The following MTUS2 variants were observed in gnomAD, a reference collection of about 807,000 sequenced individuals.
MTUS2 encodes the protein microtubule-associated tumor suppressor candidate 2.
A neutral mutation model predicts 114.1 loss-of-function variants in MTUS2; 40 were observed. The ratio of observed to expected loss-of-function variants is 0.35; its 90% CI spans 0.27 to 0.46. The LOEUF (loss-of-function observed/expected upper bound fraction) is 0.46, where lower values mean the gene tolerates loss of function less well. MTUS2 is among the 20% of genes least tolerant of loss of function. MTUS2 has a pLI of 1.00. For synonymous variants in MTUS2, 688 were observed against 672.0 expected (o/e 1.02, Z -0.37); for missense variants, 1,679 against 1,705.4 (o/e 0.98, Z 0.27).
At chr13:29,381,614 TATTAA>T (rs1872213224) in intron 8 of MTUS2, among the ~76,000 whole-genome samples, 1 of 152,186 alleles carries the variant, frequency 6.6e-6, no homozygotes, top group Non-Finnish European at 1.5e-5. Context: ...AAAGTCACAC[TATTAA>T]ATTGGAACAG....
chr13:28,955,916 A>T (rs1042130124), intron 2 of MTUS2, among the ~76,000 whole-genome samples: 1 of 151,622 alleles, frequency 6.6e-6, no homozygotes, highest in Non-Finnish European at 1.5e-5. Flanking sequence ...TTCTTTTTTT[A>T]AAAATTTCCA....
intron 6 of MTUS2, chr13:29,306,864 T>C: frequency 2.0e-6 from 1 of 493,982 alleles, no homozygotes; most frequent in South Asian, 1.5e-5. Context: ...CTAAAGTAGA[T>C]ATTGTGGCCA....
chr13:29,128,088 G>A (rs1233533352), intron 5 of MTUS2, among the ~76,000 whole-genome samples: 4 of 152,214 alleles, frequency 2.6e-5, no homozygotes, highest in Admixed American at 6.5e-5. Context: ...AAAGAAGGCA[G>A]TAGAAGAAGA....
chr13:29,168,805 C>A (rs2987338), intron 5 of MTUS2, among the ~76,000 whole-genome samples: 148,007 of 152,098 alleles, frequency 0.97, 72,066 homozygotes, highest in Non-Finnish European at 1. Flanking sequence ...TTTAAACCTG[C>A]AATTTAAGCC....
intron 7 of MTUS2, among the ~76,000 whole-genome samples, chr13:29,355,822 C>T (rs1160760931): frequency 6.6e-6 from 1 of 152,116 alleles, no homozygotes; most frequent in South Asian, 2.1e-4. Context: ...ATTAACAGTT[C>T]GGTAGTGTAC....
At chr13:29,304,622 A>G (rs999616415) in intron 6 of MTUS2, among the ~76,000 whole-genome samples, 2 of 152,242 alleles carry the variant, frequency 1.3e-5, no homozygotes, top group Admixed American at 6.5e-5. Flanking sequence ...ATACATAAGC[A>G]TGCAGATTCA....
At chr13:29,348,118 C>G (rs1162312407) in intron 7 of MTUS2, among the ~76,000 whole-genome samples, 1 of 152,092 alleles carries the variant, frequency 6.6e-6, no homozygotes, top group South Asian at 2.1e-4. Flanking sequence ...CAATCTCCAG[C>G]CCCAGAGGAA....
intron 5 of MTUS2, among the ~76,000 whole-genome samples, chr13:29,122,679 C>T (rs1891360298): frequency 6.6e-6 from 1 of 152,148 alleles, no homozygotes; most frequent in African/African-American, 2.4e-5. Context: ...TCTAAATCAG[C>T]CCTCACCCTG....
At position 29,018,261 on chromosome 13, in the gene MTUS2, C is replaced by T. The variant is rs114618754; in HGVS notation, c.-242-6196C>T. On this transcript the variant is annotated intron_variant, in intron 2 of 15. Coordinates refer to ENST00000612955, the MANE Select transcript of MTUS2 (RefSeq NM_001033602.4). The stretch of plus-strand genomic sequence containing the variant: ...GCTCATTGGACCTTGAATGTCAAGC[C>T]GAGAGGTGTCACTTTAGCCTGTCAT... Among the ~76,000 whole-genome samples, 1,359 of 152,160 alleles carry T rather than the reference C, an allele frequency of 8.9e-3. 18 individuals are homozygous for T. Among genetic ancestry groups the T allele is most frequent in the African/African-American group, 0.031 (1,297 of 41,514 alleles).
chr13:28,917,412 G>T (rs1412141764), intron 2 of MTUS2, among the ~76,000 whole-genome samples: 1 of 151,678 alleles, frequency 6.6e-6, no homozygotes, highest in African/African-American at 2.4e-5. Flanking sequence ...TTTACTGGGG[G>T]ACTTTATTGC....
chr13:29,243,718 T>G (rs1896810727), intron 5 of MTUS2, among the ~76,000 whole-genome samples: 1 of 152,190 alleles, frequency 6.6e-6, no homozygotes, highest in Admixed American at 6.5e-5. Context: ...TCAGTAGTTC[T>G]CAACCCTGGC....
chr13:29,475,128 T>C (rs1379437078), intron 9 of MTUS2, among the ~76,000 whole-genome samples: 1 of 152,210 alleles, frequency 6.6e-6, no homozygotes, highest in Non-Finnish European at 1.5e-5. Flanking sequence ...CATAACAACA[T>C]TGCAGTCAAC....
chr13:28,858,454 C>A (rs1307457590), intron 2 of MTUS2, among the ~76,000 whole-genome samples: 3 of 152,104 alleles, frequency 2.0e-5, no homozygotes, highest in Non-Finnish European at 4.4e-5. Context: ...GGCTCTCCTT[C>A]CTCCCATTCT....
intron 6 of MTUS2, among the ~76,000 whole-genome samples, chr13:29,320,959 C>CA (rs1442107014): frequency 1.3e-5 from 2 of 152,086 alleles, no homozygotes; most frequent in Non-Finnish European, 1.5e-5. Context: ...ACTGGGAGGA[C>CA]AATTGACTAG....
intron 2 of MTUS2, among the ~76,000 whole-genome samples, chr13:28,905,006 C>T (rs1378514509): frequency 1.3e-5 from 2 of 151,492 alleles, no homozygotes; most frequent in Non-Finnish European, 2.9e-5. Context: ...ATTTTATTCT[C>T]TTTGAAGCAA....
In MTUS2 at chr13:29,411,641, T is replaced by C. The variant is rs76420872; in HGVS notation, c.3118-28342T>C. Among the ~76,000 whole-genome samples, 753 of 152,356 alleles carry C rather than the reference T, an allele frequency of 4.9e-3. 6 individuals carry two copies. The highest frequency in any genetic ancestry group is 0.017 in the African/African-American group (719 of 41,594). Reference sequence around the variant, plus strand: ...GTTGGTGTTTTCACAGAGATTACATTAAACTTACTTAACCTAGTGAGAACT... The same window carrying C: ...GTTGGTGTTTTCACAGAGATTACATCAAACTTACTTAACCTAGTGAGAACT... On this transcript the variant is annotated intron_variant, in intron 8 of 15. Transcript: ENST00000612955.
intron 5 of MTUS2, among the ~76,000 whole-genome samples, chr13:29,245,425 C>G (rs1315097252): frequency 6.6e-6 from 1 of 152,122 alleles, no homozygotes; most frequent in Non-Finnish European, 1.5e-5. Context: ...TAATCAGGAG[C>G]TGGTGTGGAA....
At chr13:29,376,783 C>T (rs984000894) in intron 8 of MTUS2, among the ~76,000 whole-genome samples, 8 of 152,000 alleles carry the variant, frequency 5.3e-5, no homozygotes, top group African/African-American at 1.5e-4. Context: ...AGGTTGCCAA[C>T]GTTATCTAAA....
chr13:29,158,775 A>G (rs376990692), intron 5 of MTUS2, among the ~76,000 whole-genome samples: 3 of 152,180 alleles, frequency 2.0e-5, no homozygotes, highest in African/African-American at 7.2e-5. Context: ...GCTTTTAGCG[A>G]AGGAGTTTTG....
Sources: allele counts gnomAD v4.1 joint callset (sites outside exome capture counted in the v4.1 genomes callset), GRCh38; gene constraint gnomAD v4.1.1; transcripts MANE v1.5; gene names NCBI Gene and HGNC (gene_info 2026-07-23, HGNC 2026-07-21).